Variants in TEAD4 observed in about 807,000 individuals in gnomAD.
TEAD4 encodes transcriptional enhancer factor TEF-3.
Under a neutral mutation model 52.4 loss-of-function variants are expected in TEAD4, and 36 were observed. The ratio of observed to expected loss-of-function variants is 0.69; its 90% CI spans 0.53 to 0.91. The LOEUF (loss-of-function observed/expected upper bound fraction) is 0.91, where lower values mean the gene tolerates loss of function less well. Among genes scored for constraint, TEAD4 ranks in the 40% least tolerant of loss-of-function variants. The pLI, the probability that TEAD4 is intolerant of heterozygous loss-of-function variation, is 0.00. For synonymous variants in TEAD4, 220 were observed against 231.0 expected (o/e 0.95, Z 0.43); for missense variants, 508 against 583.9 (o/e 0.87, Z 1.34).
intron 2 of TEAD4, among the ~76,000 whole-genome samples, chr12:2,973,921 T>C (rs1256857780): frequency 2.0e-5 from 3 of 151,938 alleles, no homozygotes; most frequent in African/African-American, 7.3e-5. Context: ...ACAGAATCAG[T>C]GGGGGTGAGT....
At chr12:3,025,223 T>G (rs1413060642) in intron 10 of TEAD4, among the ~76,000 whole-genome samples, 6 of 152,214 alleles carry the variant, frequency 3.9e-5, no homozygotes, top group Non-Finnish European at 2.9e-5. Context: ...ATTACAGGTG[T>G]GAGCCACTGC....
At chr12:3,032,064 T>C (rs1055805102) in intron 10 of TEAD4, among the ~76,000 whole-genome samples, 1 of 152,172 alleles carries the variant, frequency 6.6e-6, no homozygotes. Context: ...CCCTTGGGCT[T>C]CTTGGGCGTT....
At chr12:2,960,388 T>A in intron 2 of TEAD4, 1 of 985,474 alleles carries the variant, frequency 1.0e-6, no homozygotes, top group Non-Finnish European at 1.2e-6. Context: ...GCAAAGGCGA[T>A]GCGAAAGTCG....
chr12:3,019,244 G>T, intron 8 of TEAD4, 74 bp downstream of exon 8: 1 of 1,557,676 alleles, frequency 6.4e-7, no homozygotes. Context: ...GCCCCCGGCA[G>T]CCGAACGCCT....
chr12:3,025,350 C>T (rs7312911), intron 10 of TEAD4, among the ~76,000 whole-genome samples: 121,909 of 152,162 alleles, frequency 0.8, 49,743 homozygotes, highest in East Asian at 1. Context: ...ATAACCCCTT[C>T]ATTTTGTGGG....
At chr12:2,989,076 A>T (rs2098241015) in intron 2 of TEAD4, among the ~76,000 whole-genome samples, 1 of 152,116 alleles carries the variant, frequency 6.6e-6, no homozygotes, top group Admixed American at 6.5e-5. Context: ...GGTGGGTCAG[A>T]AGCACAGGTA....
At chr12:2,974,788 G>C (rs1444056252) in intron 2 of TEAD4, among the ~76,000 whole-genome samples, 1 of 152,074 alleles carries the variant, frequency 6.6e-6, no homozygotes, top group Non-Finnish European at 1.5e-5. Flanking sequence ...GCTGACCCTC[G>C]GGTTCTGACA....
At chr12:2,997,185 G>A (rs984304887) in intron 3 of TEAD4, among the ~76,000 whole-genome samples, 1 of 152,148 alleles carries the variant, frequency 6.6e-6, no homozygotes, top group African/African-American at 2.4e-5. Flanking sequence ...TCAGCTCCAG[G>A]AGTTACATTG....
At chr12:3,013,540 C>T (rs1347769389) in intron 5 of TEAD4, among the ~76,000 whole-genome samples, 1 of 152,098 alleles carries the variant, frequency 6.6e-6, no homozygotes, top group Non-Finnish European at 1.5e-5. Context: ...TCAAGACCAG[C>T]CTGGCCAACA....
intron 10 of TEAD4, among the ~76,000 whole-genome samples, chr12:3,035,841 AGAAG>A (rs2098279088): frequency 6.7e-6 from 1 of 149,592 alleles, no homozygotes; most frequent in Non-Finnish European, 1.5e-5. Flanking sequence ...AAAAAAAAGA[AGAAG>A]AAGAAGAAAA....
At chr12:2,979,186 G>T (rs1301190844) in intron 2 of TEAD4, among the ~76,000 whole-genome samples, 1 of 152,212 alleles carries the variant, frequency 6.6e-6, no homozygotes, top group Non-Finnish European at 1.5e-5. Flanking sequence ...AAAGTGCTGG[G>T]ATTACAGGCG....
At chr12:2,988,341 C>T (rs1414868662) in intron 2 of TEAD4, among the ~76,000 whole-genome samples, 2 of 151,708 alleles carry the variant, frequency 1.3e-5, no homozygotes, top group Non-Finnish European at 2.9e-5. Context: ...GGCGAAACCC[C>T]GTCCCTACTA....
intron 5 of TEAD4, among the ~76,000 whole-genome samples, chr12:3,012,864 C>T (rs1298038873): frequency 1.3e-5 from 2 of 152,162 alleles, no homozygotes; most frequent in Non-Finnish European, 2.9e-5. Context: ...AGCTCTCCAT[C>T]AGGGAGGTGA....
chr12:2,977,736 C>T (rs559608710), intron 2 of TEAD4, among the ~76,000 whole-genome samples: 4 of 152,132 alleles, frequency 2.6e-5, no homozygotes, highest in Admixed American at 6.5e-5. Flanking sequence ...TAACATGTCC[C>T]GGACTTCACG....
chr12:3,016,141 C>T (rs2098264299), intron 5 of TEAD4, among the ~76,000 whole-genome samples: 1 of 152,306 alleles, frequency 6.6e-6, no homozygotes, highest in South Asian at 2.1e-4. Flanking sequence ...AATCCTCCCA[C>T]CTCAGCTCCT....
At chr12:3,018,689 C>A in intron 7 of TEAD4, 101 bp downstream of exon 7, 1 of 1,497,576 alleles carries the variant, frequency 6.7e-7, no homozygotes, top group East Asian at 2.3e-5. Flanking sequence ...GTGCTGGGGC[C>A]GCTGCTGGGG....
At chr12:2,961,939 A>G (rs964715205) in intron 2 of TEAD4, among the ~76,000 whole-genome samples, 4 of 151,940 alleles carry the variant, frequency 2.6e-5, no homozygotes, top group Non-Finnish European at 5.9e-5. Context: ...CCAGGGTCCT[A>G]GTGGCCCAGG....
Position 3,038,745 on chromosome 12 carries a change from G to A in TEAD4, c.1038+637G>A, listed in dbSNP as rs542214529. ...ACCCAGGCACCCTGCTTTCCGGTGC[G>A]TGTCTGGGGGGTTGTGATAAAATCC... On this transcript the variant is annotated intron_variant, in intron 11 of 12. Coordinates refer to ENST00000359864, the MANE Select transcript of TEAD4 (RefSeq NM_003213.4). Among the ~76,000 whole-genome samples the A allele has an allele frequency of 5.3e-5, 8 of 152,332 alleles. No individual in the cohort carries two copies. In the South Asian group the frequency reaches 1.5e-3, roughly 28 times the overall value.
chr12:3,000,157 A>T (rs2098250545), intron 3 of TEAD4, among the ~76,000 whole-genome samples: 1 of 152,208 alleles, frequency 6.6e-6, no homozygotes, highest in African/African-American at 2.4e-5. Flanking sequence ...CTGGACAGTT[A>T]GCCACCCAAG....
Sources: gnomAD v4.1 joint callset for allele counts (sites outside exome capture counted in the v4.1 genomes callset) on GRCh38, gnomAD v4.1.1 for gene constraint, MANE v1.5 for transcripts, NCBI Gene and HGNC (gene_info 2026-07-23, HGNC 2026-07-21) for gene names.